The following MYLK variants were observed in gnomAD, a reference collection of about 807,000 sequenced individuals.
MYLK encodes myosin light chain kinase, smooth muscle.
MYLK carries 106 observed loss-of-function variants against 203.4 expected under a neutral mutation model. The observed-to-expected ratio is 0.52, with a 90% CI of 0.45 to 0.61. MYLK has a LOEUF of 0.61. Ranked by LOEUF, MYLK falls within the 20% of genes least tolerant of loss-of-function variation. The probability of loss-of-function intolerance (pLI) is 0.00; values close to 1 mark genes in which losing one functional copy is unlikely to be tolerated. For missense variants in MYLK, 2,072 were observed against 2,442.3 expected (o/e 0.85, Z 3.20); for synonymous variants, 867 against 959.5 (o/e 0.90, Z 1.78).
chr3:123,685,248 T>C (rs921914304), intron 19 of MYLK, among the ~76,000 whole-genome samples: 1 of 152,204 alleles, frequency 6.6e-6, no homozygotes, highest in Non-Finnish European at 1.5e-5. Flanking sequence ...TCATGGTGTT[T>C]TGACGCCCAA....
rs1263696728 is a variant in MYLK at position 123,713,579 on chromosome 3, A to ATGTATGTGTG, written c.1805-3687_1805-3686insCACACATACA. Among the ~76,000 whole-genome samples, 6 of 136,474 alleles carry ATGTATGTGTG rather than the reference A, an allele frequency of 4.4e-5. No individual in the cohort carries two copies. In the South Asian group the frequency reaches 1.3e-3, roughly 29 times the overall value. 89.5% of individuals were successfully genotyped at this position (136,474 alleles called of 152,430 possible). A position where few individuals can be genotyped will look rare whatever the true frequency, so the allele number is the denominator to read the frequency against. On this transcript the variant is annotated intron_variant, in intron 13 of 33. Transcript: ENST00000360304. ...CAAGCCAGGTGAAAAGAGCAACACA[A>ATGTATGTGTG]TGTGTGTGTGTGTGTGTGTGTGTGT...
Position 123,834,345 on chromosome 3 carries a change from C to T in MYLK, c.-126-2675G>A, listed in dbSNP as rs76442340. Among the ~76,000 whole-genome samples, 1,053 of 152,184 alleles carry T rather than the reference C, an allele frequency of 6.9e-3. 17 individuals carry two copies. Among genetic ancestry groups the T allele is most frequent in the African/African-American group, 0.024 (998 of 41,496 alleles). ...ACAGGCGTGAGCTACTGCGCCCAGC[C>T]TCAGAGTTTGGTAACTTTTTAATAT... On this transcript the variant is annotated intron_variant, in intron 2 of 33. Transcript: ENST00000360304.
At position 123,629,734 on chromosome 3, in the gene MYLK, A is replaced by C; in HGVS notation, c.4962-108T>G. The C allele has an allele frequency of 8.5e-7, 1 of 1,183,360 alleles. No individual in the cohort carries two copies. The highest frequency in any genetic ancestry group is 1.2e-6 in the Non-Finnish European group (1 of 801,198). 73.3% of individuals were successfully genotyped at this position (1,183,360 alleles called of 1,614,324 possible). On this transcript the variant is annotated intron_variant, in intron 29 of 33. Transcript: ENST00000360304. This position sits in a 1 kb window ranked among gnomAD's most constrained non-coding sequence, Gnocchi z 4.4. ...GGGTCGGCCAGCCTCCCCACCCCCA[A>C]ACTCATGCTCTGTGGGCCTTGCACC...
Position 123,669,998 on chromosome 3 carries a change from G to A in MYLK, c.3653-2811C>T, listed in dbSNP as rs533074648. Among the ~76,000 whole-genome samples the A allele has an allele frequency of 1.1e-4, 15 of 130,478 alleles. 1 individual carries two copies. In the East Asian group the frequency reaches 1.3e-3, roughly 12 times the overall value. The allele number at this position is 130,478 out of a possible 152,430, so 85.6% of individuals were successfully genotyped here. A position where few individuals can be genotyped will look rare whatever the true frequency, so the allele number is the denominator to read the frequency against. On this transcript the variant is annotated intron_variant, in intron 20 of 33. Coordinates refer to ENST00000360304, the MANE Select transcript of MYLK (RefSeq NM_053025.4). ...TGCAATGAGCTGAGATCGTGCCACC[G>A]CACTCCAGCCTGGGTGACAGAGCGA...
intron 27 of MYLK, 158 bp downstream of exon 27, chr3:123,647,065 TG>T: frequency 1.4e-6 from 1 of 704,664 alleles, no homozygotes; most frequent in South Asian, 1.7e-5. Flanking sequence ...CGGTTCTGTT[TG>T]GTCAGGCCTG....
chr3:123,844,568 C>T (rs1292519590), intron 2 of MYLK, among the ~76,000 whole-genome samples: 1 of 58,768 alleles, frequency 1.7e-5, no homozygotes, highest in East Asian at 9.5e-4. Context: ...CCTTTCTAAG[C>T]CTGTTAACTC....
rs1330201085 is a variant in MYLK, at chr3:123,648,654, C to T, written c.4415+317G>A. ...CCCCGCACCCCCTGCTCTCCCCTGA[C>T]AGGCCCCAGTGAGTGTTATTCCCCT... On this transcript the variant is annotated intron_variant, in intron 26 of 33. Coordinates refer to ENST00000360304, the MANE Select transcript of MYLK (RefSeq NM_053025.4). The surrounding 1 kb of genome is among the most constrained non-coding windows in gnomAD (Gnocchi z 4.5). Among the ~76,000 whole-genome samples, 6 of 152,132 alleles carry T rather than the reference C, an allele frequency of 3.9e-5. No individual in the cohort carries two copies. The South Asian group carries it at 1.0e-3, about 26-fold the overall frequency.
At chr3:123,663,438 G>C (rs936227902) in intron 23 of MYLK, among the ~76,000 whole-genome samples, 6 of 152,106 alleles carry the variant, frequency 3.9e-5, no homozygotes, top group African/African-American at 1.2e-4. Flanking sequence ...GGGTGCTGGG[G>C]GGTGAAGAAG....
At chr3:123,865,318 A>T (rs2148698434) in intron 2 of MYLK, among the ~76,000 whole-genome samples, 1 of 152,322 alleles carries the variant, frequency 6.6e-6, no homozygotes, top group Non-Finnish European at 1.5e-5. Flanking sequence ...ATACCATACA[A>T]CTTCTATCTC....
At chr3:123,829,377 GA>G (rs1477954986) in intron 3 of MYLK, among the ~76,000 whole-genome samples, 1 of 152,094 alleles carries the variant, frequency 6.6e-6, no homozygotes. Flanking sequence ...ATTCATATGT[GA>G]AAGCTAAAAA....
chr3:123,683,443 G>A lies in MYLK; in HGVS notation c.3566-1133C>T, dbSNP rs368846647. ...GCTCCTGGGGCTCTGAGGGGTGGGC[G>A]CAGGGAGCAGAACTGGGGGCTGGGA... On this transcript the variant is annotated intron_variant, in intron 19 of 33. Transcript: ENST00000360304. Among the ~76,000 whole-genome samples the A allele has an allele frequency of 3.2e-4, 48 of 152,244 alleles. 1 individual carries two copies. The East Asian group carries it at 4.3e-3, about 14-fold the overall frequency.
chr3:123,725,132 A>G (rs1418436868), intron 12 of MYLK, among the ~76,000 whole-genome samples: 1 of 152,184 alleles, frequency 6.6e-6, no homozygotes, highest in Non-Finnish European at 1.5e-5. Context: ...TCATAGATAA[A>G]GAAGCTGGTA....
At chr3:123,825,754 A>C (rs987054897) in intron 3 of MYLK, among the ~76,000 whole-genome samples, 1 of 152,208 alleles carries the variant, frequency 6.6e-6, no homozygotes, top group Admixed American at 6.5e-5. Context: ...CCACAACCCC[A>C]GTTGCATGGG....
At chr3:123,825,466 C>T (rs535163746) in intron 3 of MYLK, among the ~76,000 whole-genome samples, 134 of 152,326 alleles carry the variant, frequency 8.8e-4, no homozygotes, top group African/African-American at 3.1e-3. Flanking sequence ...CAAACACCTA[C>T]AGTCCTTACA....
chr3:123,831,272 G>C lies in MYLK; in HGVS notation c.-4+276C>G, dbSNP rs1242020392. Reference sequence around the variant, plus strand: ...TAGCAGCAGCCAGGGCAACCCGCAGGCCCTTAATCTTGTTTCCTGGCTAGT... The same window carrying C: ...TAGCAGCAGCCAGGGCAACCCGCAGCCCCTTAATCTTGTTTCCTGGCTAGT... On this transcript the variant is annotated intron_variant, in intron 3 of 33. Coordinates refer to ENST00000360304, the MANE Select transcript of MYLK (RefSeq NM_053025.4). The C allele has an allele frequency of 1.7e-5, 14 of 843,888 alleles. No homozygotes were observed. The South Asian group carries it at 2.0e-4, about 12-fold the overall frequency. The allele number at this position is 843,888 out of a possible 1,614,324, so 52.3% of individuals were successfully genotyped here. A position where few individuals can be genotyped will look rare whatever the true frequency, so the allele number is the denominator to read the frequency against.
chr3:123,814,209 G>A, intron 3 of MYLK: 1 of 255,570 alleles, frequency 3.9e-6, no homozygotes, highest in Non-Finnish European at 7.9e-6. Flanking sequence ...CAGATACCAA[G>A]CCTCTAGAAA....
chr3:123,814,136 C>T (rs567647683), intron 3 of MYLK: 5 of 366,660 alleles, frequency 1.4e-5, no homozygotes, highest in East Asian at 8.5e-5. Context: ...CAGAAGGCTG[C>T]CACAGAAACA....
At chr3:123,753,677 G>A (rs141652000) in intron 4 of MYLK, among the ~76,000 whole-genome samples, 114 of 152,250 alleles carry the variant, frequency 7.5e-4, no homozygotes, top group African/African-American at 2.3e-3. Flanking sequence ...TCAAACACTT[G>A]AAACTCAGTA....
chr3:123,788,064 G>T (rs2064610198), intron 4 of MYLK, among the ~76,000 whole-genome samples: 1 of 152,130 alleles, frequency 6.6e-6, no homozygotes, highest in Non-Finnish European at 1.5e-5. Context: ...ACCATCCAAG[G>T]TTCCAGCGTA....
Sources: allele counts gnomAD v4.1 joint callset (sites outside exome capture counted in the v4.1 genomes callset), GRCh38; gene constraint gnomAD v4.1.1; non-coding constraint Gnocchi (gnomAD v3.1); transcripts MANE v1.5; gene names NCBI Gene and HGNC (gene_info 2026-07-23, HGNC 2026-07-21).